COPS8: variants seen among roughly 807,000 people sequenced by gnomAD.
COPS8 encodes COP9 signalosome subunit 8, also known as COP9 signalosome complex subunit 8.
COPS8 carries 11 observed loss-of-function variants against 31.5 expected under a neutral mutation model. That is an observed-to-expected ratio of 0.35 (90% CI 0.22 to 0.58). The LOEUF (loss-of-function observed/expected upper bound fraction) is 0.58. Among genes scored for constraint, COPS8 ranks in the 20% least tolerant of loss-of-function variants. The pLI is 0.83. For synonymous variants in COPS8, 81 were observed against 89.3 expected (o/e 0.91, Z 0.52); for missense variants, 215 against 255.1 (o/e 0.84, Z 1.07).
intron 2 of COPS8, 60 bp downstream of exon 2, chr2:237,087,257 T>G (rs1696634998): frequency 1.6e-6 from 2 of 1,253,640 alleles, no homozygotes; most frequent in African/African-American, 3.0e-5. Context: ...ATGGAAATAT[T>G]TCTGCACTGA....
At position 237,089,985 on chromosome 2, in the gene COPS8, G is replaced by T. The variant is rs758482926; in HGVS notation, c.322G>T (p.Ala108Ser). 1.2e-6 allele frequency: 2 copies of T among 1,613,684 alleles called. No homozygotes were observed. The highest frequency in any genetic ancestry group is 1.7e-6 in the Non-Finnish European group (2 of 1,179,814). The stretch of plus-strand genomic sequence containing the variant: ...TGAGACGGTCCAGCCAATTATGGAA[G>T]CACTTAGAGGTAGTGTTTCTTTGTG... ...WSETVQPIME[A>S]LRDATRRRAF... Residue 108 changes from alanine to serine, a missense_variant, in exon 4 of 8, where the codon GCA (alanine) becomes TCA (serine). Transcript: ENST00000354371.
Position 237,098,528 on chromosome 2 carries a change from C to T in COPS8, c.*786C>T, listed in dbSNP as rs572963889. ...CAGCCCATTGGTTGCTTATATTTATCGCTTGGCTCAAGTTCTGCCCTTTGG... is the reference window on the plus strand; with the variant it reads ...CAGCCCATTGGTTGCTTATATTTATTGCTTGGCTCAAGTTCTGCCCTTTGG... On this transcript the variant is annotated 3_prime_UTR_variant, in exon 8 of 8. Transcript: ENST00000354371. 1.3e-5 allele frequency: 2 copies of T among 152,340 alleles called. No homozygotes were observed. The highest frequency in any genetic ancestry group is 2.1e-4 in the South Asian group (1 of 4,834). The allele number at this position is 152,340 out of a possible 1,614,324, so 9.4% of individuals were successfully genotyped here. A position where few individuals can be genotyped will look rare whatever the true frequency, so the allele number is the denominator to read the frequency against.
chr2:237,087,067 G>T, intron 1 of COPS8, 60 bp from the exon 2 acceptor site: 1 of 1,084,972 alleles, frequency 9.2e-7, no homozygotes, highest in South Asian at 1.4e-5. Context: ...AAGTTAAAGG[G>T]TAAATGAGGT....
chr2:237,099,532 G>A lies in COPS8; in HGVS notation c.*1790G>A, dbSNP rs1039817647. On this transcript the variant is annotated 3_prime_UTR_variant, in exon 8 of 8. Transcript: ENST00000354371. ...CTTGATATCTTTTTTATTATTAAAA[G>A]TATAGATTAAATTAATAATCATGTA... 5.9e-5 allele frequency: 9 copies of A among 152,078 alleles called. No homozygotes were observed. The highest frequency in any genetic ancestry group is 1.9e-4 in the East Asian group (1 of 5,176). 9.4% of individuals were successfully genotyped at this position (152,078 alleles called of 1,614,324 possible).
At chr2:237,095,799 T>G in intron 5 of COPS8, 23 bp from the exon 6 acceptor site, 1 of 1,535,730 alleles carries the variant, frequency 6.5e-7, no homozygotes, top group Non-Finnish European at 9.0e-7. Context: ...TTCCGGATCT[T>G]TATGTGTAAT....
intron 4 of COPS8, chr2:237,093,740 C>G: frequency 1.0e-6 from 1 of 991,080 alleles, no homozygotes; most frequent in Non-Finnish European, 1.2e-6. Flanking sequence ...TTGATTCCAG[C>G]ATTTGTAAAT....
In COPS8 at chr2:237,086,274, A is replaced by G. The variant is rs558756031; in HGVS notation, c.78+232A>G. ...GTGTCTTCAGCTTGTGAGCCCGAAA[A>G]CCCTGTGCGTCTTTGCTCCAGCACC... On this transcript the variant is annotated intron_variant, in intron 1 of 7. Coordinates refer to ENST00000354371, the MANE Select transcript of COPS8 (RefSeq NM_006710.5). 2.6e-5 allele frequency among the ~76,000 whole-genome samples: 4 copies of G among 151,818 alleles called. No individual in the cohort carries two copies. In the East Asian group the frequency reaches 7.8e-4, roughly 30 times the overall value.
rs1000455492 is a variant in COPS8, at chr2:237,097,560, C to T, written c.551-103C>T. The stretch of plus-strand genomic sequence containing the variant: ...ACCAGGACAAATCTAAGAAAGTTAA[C>T]TTACTGTTAAAAATTGAAGGCATTA... On this transcript the variant is annotated intron_variant, in intron 7 of 7. Transcript: ENST00000354371. 9 of 722,660 alleles carry T rather than the reference C, an allele frequency of 1.2e-5. No individual in the cohort carries two copies. In the African/African-American group the frequency reaches 1.6e-4, roughly 13 times the overall value. 44.8% of individuals were successfully genotyped at this position (722,660 alleles called of 1,614,324 possible).
intron 1 of COPS8, 30 bp downstream of exon 1, chr2:237,086,072 T>C: frequency 1.3e-6 from 2 of 1,594,470 alleles, no homozygotes; most frequent in South Asian, 1.1e-5. Flanking sequence ...TGGGAGAAAC[T>C]GCGGAGTAGT....
intron 3 of COPS8, among the ~76,000 whole-genome samples, chr2:237,089,231 G>T (rs1696667219): frequency 6.6e-6 from 1 of 152,086 alleles, no homozygotes; most frequent in African/African-American, 2.4e-5. Flanking sequence ...ATATTACCAA[G>T]AATTCATCTA....
At chr2:237,089,337 T>C (rs1375285942) in intron 3 of COPS8, among the ~76,000 whole-genome samples, 2 of 152,206 alleles carry the variant, frequency 1.3e-5, no homozygotes, top group Non-Finnish European at 2.9e-5. Context: ...AAGATTGGAA[T>C]ATTCCTCAGC....
rs1696838179 is a variant in COPS8 at position 237,098,200 on chromosome 2, A to G, written c.*458A>G. ...TTATGATTCACCCTCTTTGGAGAAC[A>G]TGCTCTCTTTTCACCCCCCACCTCC... On this transcript the variant is annotated 3_prime_UTR_variant, in exon 8 of 8. Coordinates refer to ENST00000354371, the MANE Select transcript of COPS8 (RefSeq NM_006710.5). 1 of 155,594 alleles carries G rather than the reference A, an allele frequency of 6.4e-6. No homozygotes were observed. The highest frequency in any genetic ancestry group is 2.4e-5 in the African/African-American group (1 of 41,470). 9.6% of individuals were successfully genotyped at this position (155,594 alleles called of 1,614,324 possible).
At chr2:237,090,886 G>A (rs1696695261) in intron 4 of COPS8, among the ~76,000 whole-genome samples, 1 of 152,218 alleles carries the variant, frequency 6.6e-6, no homozygotes. Context: ...GCAGATAGAT[G>A]GGAAGGGAGG....
intron 5 of COPS8, among the ~76,000 whole-genome samples, chr2:237,094,605 T>G (rs1696761176): frequency 6.6e-6 from 1 of 152,132 alleles, no homozygotes; most frequent in African/African-American, 2.4e-5. Flanking sequence ...CAAATGTAAC[T>G]TTGCATTTTC....
intron 4 of COPS8, among the ~76,000 whole-genome samples, chr2:237,091,451 C>T (rs1387906947): frequency 1.3e-5 from 2 of 152,178 alleles, no homozygotes; most frequent in Non-Finnish European, 2.9e-5. Context: ...TGAACATATC[C>T]TGAGACTTTT....
At chr2:237,087,764 G>A (rs999498500) in intron 2 of COPS8, among the ~76,000 whole-genome samples, 1 of 152,000 alleles carries the variant, frequency 6.6e-6, no homozygotes, top group African/African-American at 2.4e-5. Context: ...AACCCCGTCT[G>A]TCCTAAAAAT....
In COPS8 at chr2:237,093,251, T is replaced by C. The variant is rs371352973; in HGVS notation, c.332-839T>C. On this transcript the variant is annotated intron_variant, in intron 4 of 7. Coordinates refer to ENST00000354371, the MANE Select transcript of COPS8 (RefSeq NM_006710.5). ...TGGGGGAATTGGTGTAGTTTGACAA[T>C]GTCCCAGGAATGGAGAGAAGATTTT... Among the ~76,000 whole-genome samples, 16 of 152,284 alleles carry C rather than the reference T, an allele frequency of 1.1e-4. No individual in the cohort carries two copies. The East Asian group carries it at 2.9e-3, about 28-fold the overall frequency.
chr2:237,093,755 T>A (rs1696747527), intron 4 of COPS8: 1 of 996,362 alleles, frequency 1.0e-6, no homozygotes, highest in African/African-American at 1.7e-5. Context: ...GTAAATGAAA[T>A]AAGATAAGTA....
chr2:237,090,034 C>G (rs376857584), intron 4 of COPS8, 40 bp downstream of exon 4: 5 of 1,604,034 alleles, frequency 3.1e-6, no homozygotes, highest in Non-Finnish European at 4.3e-6. Flanking sequence ...TTAGATGAGA[C>G]TTAGTCCCTA....
Sources: allele counts gnomAD v4.1 joint callset (sites outside exome capture counted in the v4.1 genomes callset), GRCh38; gene constraint gnomAD v4.1.1; transcripts MANE v1.5; gene names NCBI Gene and HGNC (gene_info 2026-07-23, HGNC 2026-07-21).